CDH8: variants seen among roughly 807,000 people sequenced by gnomAD.
CDH8 encodes cadherin 8.
A neutral mutation model predicts 68.1 loss-of-function variants in CDH8; 17 were observed. The ratio of observed to expected loss-of-function variants is 0.25; its 90% CI spans 0.17 to 0.37. The LOEUF is 0.37. Ranked by LOEUF, CDH8 falls within the 10% of genes least tolerant of loss-of-function variation. The probability of loss-of-function intolerance (pLI) is 1.00; values close to 1 mark genes in which losing one functional copy is unlikely to be tolerated. For synonymous variants in CDH8, 372 were observed against 365.1 expected, an observed-to-expected ratio of 1.02 and a Z score of -0.21; for missense variants, 763 against 999.3, an observed-to-expected ratio of 0.76 and a Z score of 3.19.
chr16:61,700,274 A>T (rs1264822697), intron 10 of CDH8, among the ~76,000 whole-genome samples: 1 of 147,246 alleles, frequency 6.8e-6, no homozygotes, highest in Non-Finnish European at 1.5e-5. Context: ...ATCTATTTTT[A>T]GTTGTTTTTT....
At chr16:61,781,801 T>C (rs961250981) in intron 8 of CDH8, among the ~76,000 whole-genome samples, 9 of 152,164 alleles carry the variant, frequency 5.9e-5, no homozygotes, top group Non-Finnish European at 1.3e-4. Flanking sequence ...ACTAAAAAAA[T>C]TATGTTTACA....
chr16:61,878,087 C>A (rs560266388), intron 3 of CDH8, among the ~76,000 whole-genome samples: 10 of 152,256 alleles, frequency 6.6e-5, no homozygotes, highest in African/African-American at 2.4e-4. Flanking sequence ...TTGAACATCT[C>A]TTTGAATACT....
At chr16:61,816,956 A>G (rs925517943) in intron 7 of CDH8, among the ~76,000 whole-genome samples, 5 of 152,126 alleles carry the variant, frequency 3.3e-5, no homozygotes, top group African/African-American at 1.2e-4. Context: ...AATGTCCAAG[A>G]AGTAATAAAA....
At chr16:61,853,147 G>C (rs1009799333) in intron 4 of CDH8, among the ~76,000 whole-genome samples, 8 of 151,918 alleles carry the variant, frequency 5.3e-5, no homozygotes, top group African/African-American at 1.9e-4. Flanking sequence ...AAGAACAAAT[G>C]GTATATCTCT....
intron 1 of CDH8, among the ~76,000 whole-genome samples, chr16:62,023,226 T>C (rs1336753050): frequency 6.6e-6 from 1 of 152,150 alleles, no homozygotes; most frequent in East Asian, 1.9e-4. Context: ...AAGCCACTTA[T>C]TACTTTAACA....
At chr16:61,673,580 A>G (rs1963838530) in intron 10 of CDH8, among the ~76,000 whole-genome samples, 1 of 152,144 alleles carries the variant, frequency 6.6e-6, no homozygotes, top group African/African-American at 2.4e-5. Context: ...AATATGTACA[A>G]TAAGTATAAC....
At chr16:61,920,652 G>A in intron 2 of CDH8, among the ~76,000 whole-genome samples, 3 of 36,132 alleles carry the variant, frequency 8.3e-5, no homozygotes, top group African/African-American at 3.2e-4. Flanking sequence ...TTACACTGTT[G>A]GTGGGACTGT....
chr16:61,843,843 C>G (rs1597012370), intron 4 of CDH8, among the ~76,000 whole-genome samples: 5 of 152,108 alleles, frequency 3.3e-5, no homozygotes, highest in African/African-American at 1.2e-4. Flanking sequence ...GTTTACAGTC[C>G]CACCAACAGT....
intron 2 of CDH8, among the ~76,000 whole-genome samples, chr16:61,959,579 T>TAG (rs1262972026): frequency 2.6e-5 from 4 of 151,238 alleles, no homozygotes; most frequent in Non-Finnish European, 5.9e-5. Flanking sequence ...TGTATGTATA[T>TAG]AGAGAGATGT....
chr16:61,899,395 G>A (rs1291925708), intron 3 of CDH8, among the ~76,000 whole-genome samples: 1 of 152,092 alleles, frequency 6.6e-6, no homozygotes, highest in African/African-American at 2.4e-5. Flanking sequence ...GCAGACCAAT[G>A]GGGCAAGGCA....
intron 2 of CDH8, among the ~76,000 whole-genome samples, chr16:61,952,034 C>T (rs1964906730): frequency 6.6e-6 from 1 of 152,146 alleles, no homozygotes; most frequent in Non-Finnish European, 1.5e-5. Flanking sequence ...AGACAGTGGC[C>T]ATGTCTTCTA....
intron 4 of CDH8, among the ~76,000 whole-genome samples, chr16:61,848,755 C>T (rs1050948546): frequency 4.6e-5 from 7 of 152,024 alleles, no homozygotes; most frequent in African/African-American, 1.7e-4. Flanking sequence ...CATTTCGTCA[C>T]AATCATTATC....
At chr16:61,685,721 A>G (rs1181543056) in intron 10 of CDH8, among the ~76,000 whole-genome samples, 4 of 151,916 alleles carry the variant, frequency 2.6e-5, no homozygotes, top group Non-Finnish European at 5.9e-5. Context: ...CATTATTTTT[A>G]TTACTATTGC....
At chr16:61,739,643 A>C (rs1443402586) in intron 8 of CDH8, among the ~76,000 whole-genome samples, 1 of 151,326 alleles carries the variant, frequency 6.6e-6, no homozygotes, top group Non-Finnish European at 1.5e-5. Flanking sequence ...ATGTTGAAGA[A>C]GTATGTATTG....
At chr16:61,852,995 C>T (rs1363575349) in intron 4 of CDH8, among the ~76,000 whole-genome samples, 1 of 151,776 alleles carries the variant, frequency 6.6e-6, no homozygotes, top group African/African-American at 2.4e-5. Context: ...CATAGGAATG[C>T]ATAGATTTGC....
intron 8 of CDH8, among the ~76,000 whole-genome samples, chr16:61,768,359 T>TCC (rs1960670188): frequency 1.5e-4 from 17 of 111,386 alleles, no homozygotes; most frequent in African/African-American, 5.1e-4. Context: ...TCTCTCTCTC[T>TCC]CTCTCTCTCC....
intron 10 of CDH8, chr16:61,710,752 T>C (rs1964616460): frequency 6.6e-6 from 1 of 151,928 alleles, no homozygotes; most frequent in Non-Finnish European, 1.5e-5. Flanking sequence ...TCACATTTTT[T>C]ACCTACAGTG....
At chr16:61,995,480 C>T (rs1965792269) in intron 2 of CDH8, among the ~76,000 whole-genome samples, 1 of 152,050 alleles carries the variant, frequency 6.6e-6, no homozygotes, top group South Asian at 2.1e-4. Context: ...CAGGTTCAAG[C>T]GATTCTCCTG....
intron 2 of CDH8, among the ~76,000 whole-genome samples, chr16:61,983,879 CTTTATTTTATTTTAT>C (rs199945282): frequency 0.032 from 4,489 of 140,426 alleles, 209 homozygotes; most frequent in African/African-American, 0.094. Flanking sequence ...GGTGTTTCCT[CTTTATTTTATTTTAT>C]TTTATTTTAT....
Sources: gnomAD v4.1 joint callset for allele counts (sites outside exome capture counted in the v4.1 genomes callset) on GRCh38, gnomAD v4.1.1 for gene constraint, MANE v1.5 for transcripts, NCBI Gene and HGNC (gene_info 2026-07-23, HGNC 2026-07-21) for gene names.